The following DOCK9 variants were observed in gnomAD, a reference collection of about 807,000 sequenced individuals.
DOCK9 encodes the protein dedicator of cytokinesis 9.
DOCK9 carries 89 observed loss-of-function variants against 263.3 expected under a neutral mutation model. The ratio of observed to expected loss-of-function variants is 0.34; its 90% CI spans 0.28 to 0.40. The LOEUF is 0.40. Ranked by LOEUF, DOCK9 falls within the 10% of genes least tolerant of loss-of-function variation. The pLI, the probability that DOCK9 is intolerant of heterozygous loss-of-function variation, is 1.00. For synonymous variants in DOCK9, 976 were observed against 973.1 expected (o/e 1.00, Z -0.06); for missense variants, 2,140 against 2,603.4 (o/e 0.82, Z 3.87).
rs565702092 is a variant in DOCK9 at position 98,899,197 on chromosome 13, C to T, written c.1504-936G>A. Among the ~76,000 whole-genome samples, 180 of 152,172 alleles carry T rather than the reference C, an allele frequency of 1.2e-3. 1 individual carries two copies. Among genetic ancestry groups the T allele is most frequent in the African/African-American group, 4.2e-3 (175 of 41,506 alleles). On this transcript the variant is annotated intron_variant, in intron 13 of 52. Transcript: ENST00000682017. ...GCAGAGTCTCAGGCCTTGCCCCAAA[C>T]TTCCTGGATCAGAACGTGCGTTCTG...
At position 98,794,388 on chromosome 13, in the gene DOCK9, A is replaced by G. The variant is rs975879610; in HGVS notation, c.*238T>C. The G allele has an allele frequency of 1.9e-6, 1 of 540,012 alleles. No individual in the cohort carries two copies. Among genetic ancestry groups the G allele is most frequent in the Non-Finnish European group, 3.2e-6 (1 of 308,860 alleles). 33.5% of individuals were successfully genotyped at this position (540,012 alleles called of 1,614,324 possible). A position where few individuals can be genotyped will look rare whatever the true frequency, so the allele number is the denominator to read the frequency against. ...AGTCCAGCTCAAGAGTGTCTACCAC[A>G]CCTTTGTTAAGACACAATGAAAACT... On this transcript the variant is annotated 3_prime_UTR_variant, in exon 53 of 53. Coordinates refer to ENST00000682017, the MANE Select transcript of DOCK9 (RefSeq NM_001366683.2).
chr13:98,855,949 C>T lies in DOCK9; in HGVS notation c.3780G>A (p.Ser1260=), dbSNP rs749001194. ...DSRGSLISTD[S]GNSLPERNSE... is the part of the protein sequence containing the mutation. ...TATTCCTTTCTGGAAGGCTGTTACC[C>T]GAATCTGTGCTTATGAGAGATCCTC... Residue 1260 remains serine, a synonymous_variant, in exon 34 of 53, where the codon TCG becomes TCA. Coordinates refer to ENST00000682017, the MANE Select transcript of DOCK9 (RefSeq NM_001366683.2). 1.2e-6 allele frequency: 2 copies of T among 1,613,908 alleles called. No homozygotes were observed. Among genetic ancestry groups the T allele is most frequent in the Non-Finnish European group, 1.7e-6 (2 of 1,179,868 alleles).
At chr13:99,021,862 C>T (rs965304029) in intron 1 of DOCK9, among the ~76,000 whole-genome samples, 5 of 151,718 alleles carry the variant, frequency 3.3e-5, no homozygotes, top group East Asian at 3.9e-4. Context: ...ACCTAATGCA[C>T]GCGGGGCTTA....
intron 2 of DOCK9, chr13:98,949,810 G>A (rs2077170297): frequency 4.3e-6 from 2 of 467,518 alleles, no homozygotes; most frequent in Non-Finnish European, 8.4e-6. Flanking sequence ...GTAGCATGAT[G>A]GGCCACCGAG....
rs1301850521 is a variant in DOCK9, at chr13:98,846,899, AT to A, written c.4062-840del. ...TCACATGCAGCAGAGAACCATGGCA[AT>A]TTTTGTATAGAGCAGAGCATATCTT... On this transcript the variant is annotated intron_variant, in intron 37 of 52. Transcript: ENST00000682017. 1.9e-5 allele frequency: 6 copies of A among 320,464 alleles called. No individual in the cohort carries two copies. In the Admixed American group the frequency reaches 2.8e-4, roughly 15 times the overall value. 19.9% of individuals were successfully genotyped at this position (320,464 alleles called of 1,614,324 possible). A position where few individuals can be genotyped will look rare whatever the true frequency, so the allele number is the denominator to read the frequency against.
intron 1 of DOCK9, among the ~76,000 whole-genome samples, chr13:99,073,220 C>A (rs1175468230): frequency 1.3e-5 from 2 of 152,170 alleles, no homozygotes; most frequent in East Asian, 3.8e-4. Flanking sequence ...GCATATCCTA[C>A]CCCTGATGTC....
intron 3 of DOCK9, among the ~76,000 whole-genome samples, chr13:98,929,589 T>A (rs1384576201): frequency 6.6e-6 from 1 of 151,898 alleles, no homozygotes; most frequent in African/African-American, 2.4e-5. Flanking sequence ...TTATCTTTCT[T>A]CCATAAGATA....
intron 27 of DOCK9, 93 bp from the exon 28 acceptor site, chr13:98,868,470 C>A: frequency 7.2e-7 from 1 of 1,392,634 alleles, no homozygotes; most frequent in South Asian, 1.4e-5. Flanking sequence ...TCTTAAAAAA[C>A]CCAGAGTTTC....
chr13:98,983,072 T>G (rs959278120), intron 1 of DOCK9, among the ~76,000 whole-genome samples: 15 of 152,162 alleles, frequency 9.9e-5, no homozygotes, highest in African/African-American at 3.6e-4. Context: ...TTTACTGTCT[T>G]TATTAGGGGT....
At chr13:99,066,734 T>C (rs571035045) in intron 1 of DOCK9, among the ~76,000 whole-genome samples, 4 of 152,182 alleles carry the variant, frequency 2.6e-5, no homozygotes, top group South Asian at 2.1e-4. Context: ...AGCTACAAAA[T>C]GCTAATTTTA....
intron 1 of DOCK9, among the ~76,000 whole-genome samples, chr13:99,064,571 G>A (rs1271048977): frequency 2.6e-5 from 4 of 152,206 alleles, no homozygotes; most frequent in East Asian, 1.9e-4. Context: ...AAAAGTAAAC[G>A]TGCAAAAAGG....
intron 9 of DOCK9, among the ~76,000 whole-genome samples, chr13:98,905,190 G>GAATGATGAGATAGAGAA (rs1189955389): frequency 6.6e-6 from 1 of 152,152 alleles, no homozygotes; most frequent in East Asian, 1.9e-4. Flanking sequence ...AATATATTTT[G>GAATGATGAGATAGAGAA]AATGATGAGA....
chr13:99,046,110 A>AC (rs1454051115), intron 1 of DOCK9, among the ~76,000 whole-genome samples: 10 of 151,932 alleles, frequency 6.6e-5, no homozygotes, highest in African/African-American at 2.4e-4. Flanking sequence ...CAAAAAAAAA[A>AC]AAAAACCAGC....
intron 1 of DOCK9, among the ~76,000 whole-genome samples, chr13:99,076,849 T>C (rs2041927483): frequency 6.6e-6 from 1 of 151,824 alleles, no homozygotes; most frequent in Admixed American, 6.6e-5. Flanking sequence ...ATTAAGCAAA[T>C]GTACAAAAAT....
At chr13:98,950,545 C>A (rs2057291408) in intron 2 of DOCK9, 1 of 335,818 alleles carries the variant, frequency 3.0e-6, no homozygotes, top group Non-Finnish European at 5.4e-6. Flanking sequence ...TTAAGCAATC[C>A]TCCCACCTTG....
At chr13:98,978,225 T>C (rs1244936192), upstream of DOCK9, 3 of 726,108 alleles carry the variant, frequency 4.1e-6, no homozygotes, top group Non-Finnish European at 5.8e-6. Flanking sequence ...ATTGTGTCTG[T>C]TCCACACAGC....
At chr13:99,081,089 G>A (rs986343293) in intron 1 of DOCK9, among the ~76,000 whole-genome samples, 11 of 152,200 alleles carry the variant, frequency 7.2e-5, no homozygotes, top group Admixed American at 2.0e-4. Flanking sequence ...CCCTGCTTCC[G>A]ATATTTTGGG....
intron 1 of DOCK9, among the ~76,000 whole-genome samples, chr13:98,984,495 TCA>T (rs1877980570): frequency 6.6e-6 from 1 of 152,174 alleles, no homozygotes; most frequent in Admixed American, 6.5e-5. Context: ...GAGAAAATGC[TCA>T]CACTATCACA....
intron 1 of DOCK9, among the ~76,000 whole-genome samples, chr13:99,071,650 G>C (rs1000362073): frequency 3.3e-5 from 5 of 151,998 alleles, no homozygotes; most frequent in African/African-American, 1.2e-4. Flanking sequence ...TGGGACAGGA[G>C]GCAAGAGAAG....
Sources: allele counts gnomAD v4.1 joint callset (sites outside exome capture counted in the v4.1 genomes callset), GRCh38; gene constraint gnomAD v4.1.1; transcripts MANE v1.5; gene names NCBI Gene and HGNC (gene_info 2026-07-23, HGNC 2026-07-21).